TMEM165: variants seen among roughly 807,000 people sequenced by gnomAD.
TMEM165 encodes the protein putative divalent cation/proton antiporter TMEM165.
In TMEM165, 19 loss-of-function variants were observed where a neutral mutation model predicts 30.0. The ratio of observed to expected loss-of-function variants is 0.63; its 90% CI spans 0.44 to 0.93. TMEM165 has a LOEUF of 0.93. Among genes scored for constraint, TMEM165 ranks in the 40% least tolerant of loss-of-function variants. TMEM165 has a pLI of 0.00. For synonymous variants in TMEM165, 168 were observed against 162.9 expected (o/e 1.03, Z -0.24); for missense variants, 340 against 417.0 (o/e 0.82, Z 1.61).
intron 3 of TMEM165, among the ~76,000 whole-genome samples, chr4:55,449,935 G>T (rs1431258230): frequency 6.6e-6 from 1 of 152,138 alleles, no homozygotes; most frequent in African/African-American, 2.4e-5. Context: ...CTGAAAGTGG[G>T]CAATGTCCCT....
At chr4:55,435,554 ATG>A in intron 3 of TMEM165, 1 of 1,614,010 alleles carries the variant, frequency 6.2e-7, no homozygotes, top group Non-Finnish European at 8.5e-7. Flanking sequence ...AGCAGAGAGA[ATG>A]AGTTGAGTTG....
chr4:55,418,804 TAGG>T (rs1721846783), intron 4 of TMEM165, among the ~76,000 whole-genome samples: 1 of 152,082 alleles, frequency 6.6e-6, no homozygotes, highest in Non-Finnish European at 1.5e-5. Flanking sequence ...CCCAGCACTT[TAGG>T]AGGCCAAGGT....
At chr4:55,438,331 T>C in intron 3 of TMEM165, 1 of 1,614,106 alleles carries the variant, frequency 6.2e-7, no homozygotes. Context: ...AGATGGTTGC[T>C]GAACTGAAGT....
chr4:55,438,638 A>G, intron 3 of TMEM165: 2 of 1,557,604 alleles, frequency 1.3e-6, no homozygotes, highest in Non-Finnish European at 1.7e-6. Flanking sequence ...ACCCAATGAC[A>G]TTGCCAGTTT....
At position 55,417,261 on chromosome 4, in the gene TMEM165, C is replaced by G; in HGVS notation, c.609+14C>G. 1 of 1,605,418 alleles carries G rather than the reference C, an allele frequency of 6.2e-7. No homozygotes were observed. The highest frequency in any genetic ancestry group is 2.2e-5 in the East Asian group (1 of 44,766). Reference sequence around the variant, plus strand: ...AAAGATGAAGAAGTAAGCCATGGCACTGTTGATCTGGACCAAAAAGGCACT... The same window carrying G: ...AAAGATGAAGAAGTAAGCCATGGCAGTGTTGATCTGGACCAAAAAGGCACT... On this transcript the variant is annotated intron_variant, in intron 3 of 5. Transcript: ENST00000381334.
At chr4:55,444,352 A>T (rs1723613072) in intron 3 of TMEM165, among the ~76,000 whole-genome samples, 1 of 152,190 alleles carries the variant, frequency 6.6e-6, no homozygotes, top group Admixed American at 6.5e-5. Context: ...AACTTTATGT[A>T]AAATATAATT....
chr4:55,438,463 C>G, intron 3 of TMEM165: 1 of 1,613,850 alleles, frequency 6.2e-7, no homozygotes, highest in Non-Finnish European at 8.5e-7. Context: ...AAGCATAGTA[C>G]TAGGTACCAT....
Position 55,417,197 on chromosome 4 carries a change from C to A in TMEM165, c.559C>A (p.Gln187Lys). The A allele has an allele frequency of 6.2e-7, 1 of 1,613,160 alleles. No homozygotes were observed. The highest frequency in any genetic ancestry group is 1.1e-5 in the South Asian group (1 of 90,834). Residue 187 changes from glutamine to lysine, a missense_variant, in exon 3 of 6, where the codon CAA (glutamine) becomes AAA (lysine). Transcript: ENST00000381334. ...EGLKMSPDEGQEELEEVQAEL... is the reference protein window; with the variant it reads ...EGLKMSPDEGKEELEEVQAEL... ...CTTAAAGATGAGCCCTGATGAGGGT[C>A]AAGAGGAACTGGAAGAAGTTCAAGC...
At chr4:55,436,294 A>G (rs1404155129) in intron 3 of TMEM165, among the ~76,000 whole-genome samples, 2 of 152,194 alleles carry the variant, frequency 1.3e-5, no homozygotes, top group African/African-American at 4.8e-5. Context: ...AAACAAAATG[A>G]AAAAAGGCAC....
intron 3 of TMEM165, chr4:55,449,361 T>A: frequency 6.5e-7 from 1 of 1,529,446 alleles, no homozygotes; most frequent in Non-Finnish European, 9.1e-7. Flanking sequence ...TCTTAATAAA[T>A]CTTTATTCAG....
In TMEM165 at chr4:55,425,473, ATTTAGT is replaced by A; in HGVS notation, c.*24_*29del. ...TTTAACAAGCTGTTTGTTCATCTAT[ATTTAGT>A]TTAAAATAGGTAGTATTATCTTTCT... is the stretch of plus-strand genomic sequence containing the variant. On this transcript the variant is annotated 3_prime_UTR_variant, in exon 6 of 6. Transcript: ENST00000381334. 1 of 1,575,678 alleles carries A rather than the reference ATTTAGT, an allele frequency of 6.3e-7. No individual in the cohort carries two copies. The highest frequency in any genetic ancestry group is 8.7e-7 in the Non-Finnish European group (1 of 1,146,530).
intron 3 of TMEM165, chr4:55,442,763 G>C: frequency 1.2e-6 from 1 of 823,838 alleles, no homozygotes; most frequent in Non-Finnish European, 2.0e-6. Context: ...TATTACTCTG[G>C]GGGAAATATA....
At chr4:55,436,178 TAATA>T (rs1722861766) in intron 3 of TMEM165, among the ~76,000 whole-genome samples, 1 of 152,302 alleles carries the variant, frequency 6.6e-6, no homozygotes, top group South Asian at 2.1e-4. Context: ...ATTGGGTTCT[TAATA>T]AAGATTAAAT....
At chr4:55,427,368 T>TATC (rs1484687791), downstream of TMEM165, among the ~76,000 whole-genome samples, 1 of 19,128 alleles carries the variant, frequency 5.2e-5, no homozygotes, top group Non-Finnish European at 8.5e-5. Flanking sequence ...GGAGACAATC[T>TATC]ATCTCACTCT....
chr4:55,446,490 C>CA (rs759523921), intron 3 of TMEM165, among the ~76,000 whole-genome samples: 2 of 152,172 alleles, frequency 1.3e-5, no homozygotes, highest in Non-Finnish European at 2.9e-5. Flanking sequence ...CCCAAAGTTG[C>CA]AAAAATCTGA....
At chr4:55,399,477 TA>T (rs1305141702) in intron 1 of TMEM165, among the ~76,000 whole-genome samples, 1 of 152,218 alleles carries the variant, frequency 6.6e-6, no homozygotes, top group African/African-American at 2.4e-5. Context: ...ACATTTATTT[TA>T]AAACAATAAC....
downstream of TMEM165, among the ~76,000 whole-genome samples, chr4:55,427,217 T>TAGAG (rs543905894): frequency 1.1e-4 from 17 of 149,342 alleles, no homozygotes; most frequent in South Asian, 3.4e-3. Context: ...GTATTTTTAG[T>TAGAG]AGAGATGATG....
intron 3 of TMEM165, among the ~76,000 whole-genome samples, chr4:55,444,278 T>C (rs372109360): frequency 2.4e-4 from 37 of 152,340 alleles, no homozygotes; most frequent in African/African-American, 8.7e-4. Flanking sequence ...TCATACATAC[T>C]GGTATCTTAA....
chr4:55,402,306 A>G (rs1448686032), intron 1 of TMEM165, among the ~76,000 whole-genome samples: 1 of 145,544 alleles, frequency 6.9e-6, no homozygotes. Context: ...ACCATTCACA[A>G]AAATACGTAA....
Sources: gnomAD v4.1 joint callset for allele counts (sites outside exome capture counted in the v4.1 genomes callset) on GRCh38, gnomAD v4.1.1 for gene constraint, MANE v1.5 for transcripts, NCBI Gene and HGNC (gene_info 2026-07-23, HGNC 2026-07-21) for gene names.